The following MAGI2 variants were observed in gnomAD, a reference collection of about 807,000 sequenced individuals.
The protein encoded by MAGI2 is membrane-associated guanylate kinase, WW and PDZ domain-containing protein 2.
Under a neutral mutation model 133.3 loss-of-function variants are expected in MAGI2, and 35 were observed. The observed-to-expected ratio is 0.26, with a 90% CI of 0.20 to 0.35. The LOEUF (loss-of-function observed/expected upper bound fraction) is 0.35, where lower values mean the gene tolerates loss of function less well. MAGI2 is among the 10% of genes least tolerant of loss of function. The pLI is 1.00. For missense variants in MAGI2, 1,636 were observed against 1,863.4 expected (o/e 0.88, Z 2.25); for synonymous variants, 729 against 710.6 (o/e 1.03, Z -0.41).
chr7:79,064,015 C>T (rs1814053980), intron 1 of MAGI2, among the ~76,000 whole-genome samples: 1 of 152,014 alleles, frequency 6.6e-6, no homozygotes, highest in African/African-American at 2.4e-5. Context: ...TTGAAGATAT[C>T]TCACGTATAT....
intron 6 of MAGI2, among the ~76,000 whole-genome samples, chr7:78,378,392 G>A (rs1465741974): frequency 1.3e-5 from 2 of 151,942 alleles, no homozygotes; most frequent in Non-Finnish European, 2.9e-5. Context: ...TCTATATATT[G>A]AAAAGTGTTG....
chr7:79,118,473 G>A (rs2129544439), intron 1 of MAGI2, among the ~76,000 whole-genome samples: 1 of 152,226 alleles, frequency 6.6e-6, no homozygotes, highest in Non-Finnish European at 1.5e-5. Context: ...CTAGTAGAAA[G>A]CTAGACATTA....
chr7:78,124,631 A>T (rs1158269687), intron 20 of MAGI2, among the ~76,000 whole-genome samples: 4 of 152,058 alleles, frequency 2.6e-5, no homozygotes. Context: ...TATTAACTTA[A>T]AGAGGCAGGA....
At chr7:78,882,293 A>G (rs1795940444) in intron 2 of MAGI2, among the ~76,000 whole-genome samples, 1 of 151,802 alleles carries the variant, frequency 6.6e-6, no homozygotes, top group South Asian at 2.1e-4. Flanking sequence ...CTGGTAACAT[A>G]CAACTTCCCA....
At chr7:78,483,394 C>A (rs1334228045) in intron 6 of MAGI2, among the ~76,000 whole-genome samples, 1 of 151,682 alleles carries the variant, frequency 6.6e-6, no homozygotes, top group African/African-American at 2.4e-5. Flanking sequence ...TAATCCTTAC[C>A]TAGGCACTAC....
At chr7:78,375,062 C>G (rs1302110393) in intron 6 of MAGI2, among the ~76,000 whole-genome samples, 1 of 151,926 alleles carries the variant, frequency 6.6e-6, no homozygotes, top group African/African-American at 2.4e-5. Context: ...AGGCTGGTCT[C>G]CAACTCCTGA....
rs575195355 is a variant in MAGI2 at position 78,483,331 on chromosome 7, C to T, written c.1045+6430G>A. 1.1e-4 allele frequency among the ~76,000 whole-genome samples: 17 copies of T among 151,922 alleles called. No homozygotes were observed. In the South Asian group the frequency reaches 3.3e-3, roughly 30 times the overall value. ...AGAAATGATAATATACAATTCATTGCTCTACATGCAAGTAACTTGAGCAAC... is the reference window on the plus strand; with the variant it reads ...AGAAATGATAATATACAATTCATTGTTCTACATGCAAGTAACTTGAGCAAC... On this transcript the variant is annotated intron_variant, in intron 6 of 21. Coordinates refer to ENST00000354212, the MANE Select transcript of MAGI2 (RefSeq NM_012301.4).
intron 9 of MAGI2, among the ~76,000 whole-genome samples, chr7:78,273,081 G>T (rs1215083259): frequency 6.6e-6 from 1 of 152,230 alleles, no homozygotes; most frequent in Non-Finnish European, 1.5e-5. Context: ...GCTGCTACCA[G>T]TTGATCCTTT....
chr7:79,374,462 A>G (rs923001411), intron 1 of MAGI2, among the ~76,000 whole-genome samples: 1 of 151,960 alleles, frequency 6.6e-6, no homozygotes, highest in Non-Finnish European at 1.5e-5. Context: ...TCTGTTTTCA[A>G]TGGGAGCATG....
intron 1 of MAGI2, among the ~76,000 whole-genome samples, chr7:79,418,180 A>G (rs996471619): frequency 6.6e-6 from 1 of 152,126 alleles, no homozygotes; most frequent in African/African-American, 2.4e-5. Context: ...TAAATCAATG[A>G]AACACAGTAT....
chr7:78,855,007 G>A (rs797012864), intron 2 of MAGI2, among the ~76,000 whole-genome samples: 3 of 147,936 alleles, frequency 2.0e-5, no homozygotes, highest in African/African-American at 7.4e-5. Context: ...CGCTTACCAC[G>A]ACGCCCAGCA....
chr7:79,083,911 T>C (rs1194598055), intron 1 of MAGI2, among the ~76,000 whole-genome samples: 1 of 151,734 alleles, frequency 6.6e-6, no homozygotes, highest in Non-Finnish European at 1.5e-5. Flanking sequence ...TATGTCTTTC[T>C]AGAAATGTGT....
At chr7:78,873,465 A>C (rs950149466) in intron 2 of MAGI2, among the ~76,000 whole-genome samples, 2 of 152,226 alleles carry the variant, frequency 1.3e-5, no homozygotes, top group South Asian at 2.1e-4. Flanking sequence ...CCCACATGTA[A>C]GGGATCTAGG....
intron 3 of MAGI2, among the ~76,000 whole-genome samples, chr7:78,602,773 T>C (rs1805348769): frequency 1.3e-5 from 2 of 152,270 alleles, no homozygotes; most frequent in African/African-American, 4.8e-5. Context: ...ATCATTTAAA[T>C]AGAAAAACCT....
chr7:78,720,467 T>C (rs1210573067), intron 2 of MAGI2, among the ~76,000 whole-genome samples: 4 of 152,088 alleles, frequency 2.6e-5, no homozygotes, highest in African/African-American at 9.7e-5. Context: ...CTGGACAGTA[T>C]GGGTCTAAAA....
In MAGI2 at chr7:78,794,531, G is replaced by A. The variant is rs1787433501; in HGVS notation, c.419-167292C>T. On this transcript the variant is annotated intron_variant, in intron 2 of 21. Coordinates refer to ENST00000354212, the MANE Select transcript of MAGI2 (RefSeq NM_012301.4). ...GCCATAGGAAGATTTACCAGGTAAA[G>A]AGATGGTTTCTTCAGCTTAGATTTT... Among the ~76,000 whole-genome samples the A allele has an allele frequency of 2.6e-5, 4 of 151,712 alleles. No homozygotes were observed. The South Asian group carries it at 8.3e-4, about 32-fold the overall frequency.
At chr7:78,645,935 C>T (rs1036749224) in intron 2 of MAGI2, among the ~76,000 whole-genome samples, 3 of 152,012 alleles carry the variant, frequency 2.0e-5, no homozygotes, top group Non-Finnish European at 2.9e-5. Context: ...GATGGTATTT[C>T]GCCATGTTGG....
intron 1 of MAGI2, among the ~76,000 whole-genome samples, chr7:79,154,122 G>C (rs1463077088): frequency 2.0e-5 from 3 of 152,054 alleles, no homozygotes; most frequent in East Asian, 1.9e-4. Flanking sequence ...CAACTGTAAG[G>C]GTTGTAGATA....
chr7:79,154,561 C>T (rs1029028576), intron 1 of MAGI2, among the ~76,000 whole-genome samples: 1 of 152,098 alleles, frequency 6.6e-6, no homozygotes, highest in Non-Finnish European at 1.5e-5. Context: ...ACTTCAATGG[C>T]TGCCTTTAAT....
Sources: allele counts gnomAD v4.1 joint callset (sites outside exome capture counted in the v4.1 genomes callset), GRCh38; gene constraint gnomAD v4.1.1; transcripts MANE v1.5; gene names NCBI Gene and HGNC (gene_info 2026-07-23, HGNC 2026-07-21).